AKAP9: variants seen among roughly 807,000 people sequenced by gnomAD.
AKAP9 encodes the protein A-kinase anchoring protein 9, also known as A-kinase anchor protein 9.
In AKAP9, 311 loss-of-function variants were observed where a neutral mutation model predicts 488.5. The observed-to-expected ratio is 0.64, with a 90% CI of 0.58 to 0.70. AKAP9 has a LOEUF of 0.70. Ranked by LOEUF, AKAP9 falls within the 30% of genes least tolerant of loss-of-function variation. AKAP9 has a pLI of 0.00. For synonymous variants in AKAP9, 1,462 were observed against 1,483.5 expected (o/e 0.99, Z 0.33); for missense variants, 4,215 against 4,374.5 (o/e 0.96, Z 1.03).
Position 92,097,606 on chromosome 7 carries a change from C to T in AKAP9, c.10419C>T (p.Thr3473=), listed in dbSNP as rs776467620. The part of the protein sequence containing the change: ...NLNEPTTWSL[T]SDRTRNWVLQ... ...GCCAGCCAACCACGTGGAGCTTAAC[C>T]AGTGATAGAACTAGAAATTGGGTTC... is the stretch of plus-strand genomic sequence containing the variant. The change falls in exon 42 of 50, where the codon ACC becomes ACT. Residue 3473 remains threonine, a synonymous_variant. Transcript: ENST00000356239. 9.3e-6 allele frequency: 15 copies of T among 1,613,412 alleles called. No individual in the cohort carries two copies. Among genetic ancestry groups the T allele is most frequent in the African/African-American group, 2.7e-5 (2 of 74,910 alleles).
intron 1 of AKAP9, among the ~76,000 whole-genome samples, chr7:91,958,402 T>C (rs1196790347): frequency 6.6e-6 from 1 of 152,190 alleles, no homozygotes; most frequent in Admixed American, 6.5e-5. Context: ...TTATTTTTAA[T>C]GGGATTAAAC....
intron 8 of AKAP9, among the ~76,000 whole-genome samples, chr7:92,006,160 CTT>C (rs947453818): frequency 6.8e-6 from 1 of 147,782 alleles, no homozygotes; most frequent in Admixed American, 6.8e-5. Context: ...TTTTCTTTTT[CTT>C]TTTTTTTTGA....
At position 91,940,934 on chromosome 7, in the gene AKAP9, G is replaced by T; in HGVS notation, c.-166G>T. On this transcript the variant is annotated 5_prime_UTR_variant, in exon 1 of 50. Transcript: ENST00000356239. ...CTTCCCGTGCGGCTGAGGACGATCCGCCAGTGAGCGCGGAGACTGCTTCCA... is the reference window on the plus strand; with the variant it reads ...CTTCCCGTGCGGCTGAGGACGATCCTCCAGTGAGCGCGGAGACTGCTTCCA... The T allele has an allele frequency of 2.7e-6, 2 of 748,214 alleles. No homozygotes were observed. The highest frequency in any genetic ancestry group is 1.6e-5 in the South Asian group (1 of 64,440). The allele number at this position is 748,214 out of a possible 1,614,324, so 46.3% of individuals were successfully genotyped here.
In AKAP9 at chr7:92,022,362, G is replaced by T; in HGVS notation, c.3952+10G>T. ...AATTTGGAAGACATTGGTAAATTTT[G>T]ATCATATACCACAATGTGGTGTTTT... On this transcript the variant is annotated intron_variant, in intron 13 of 49. Transcript: ENST00000356239. The T allele has an allele frequency of 6.5e-7, 1 of 1,537,290 alleles. No homozygotes were observed. Among genetic ancestry groups the T allele is most frequent in the South Asian group, 1.1e-5 (1 of 89,386 alleles).
At chr7:92,022,763 C>A in intron 13 of AKAP9, 51 bp from the exon 14 acceptor site, 1 of 1,229,104 alleles carries the variant, frequency 8.1e-7, no homozygotes, top group Non-Finnish European at 1.2e-6. Context: ...TGCTATTTCA[C>A]TAAGAAACTT....
chr7:91,969,625 G>A (rs377765187), intron 1 of AKAP9, among the ~76,000 whole-genome samples: 1 of 152,034 alleles, frequency 6.6e-6, no homozygotes, highest in Non-Finnish European at 1.5e-5. Context: ...AGTTATATCC[G>A]CTTGCTAAAT....
At chr7:92,069,936 A>G (rs560881921) in intron 26 of AKAP9, 94 bp from the exon 27 acceptor site, 8 of 1,126,576 alleles carry the variant, frequency 7.1e-6, no homozygotes, top group Non-Finnish European at 1.0e-5. Context: ...AGCATTTTGG[A>G]TTGTAGATAT....
intron 1 of AKAP9, among the ~76,000 whole-genome samples, chr7:91,961,737 G>C (rs1016724088): frequency 2.6e-5 from 4 of 151,716 alleles, no homozygotes; most frequent in Non-Finnish European, 5.9e-5. Flanking sequence ...CCAGCTACTC[G>C]GGAGGCTGAG....
chr7:91,957,114 AT>A (rs2130494640), intron 1 of AKAP9, among the ~76,000 whole-genome samples: 1 of 152,306 alleles, frequency 6.6e-6, no homozygotes, highest in South Asian at 2.1e-4. Flanking sequence ...AATTAAAAAA[AT>A]ATGTAGTCTC....
rs564064961 is a variant in AKAP9, at chr7:92,002,645, G to C, written c.2728G>C (p.Val910Leu). ...TTTGCAAAGAATAAATCCAACTACA[G>C]TGAAAATGAAAAGTTCTGTCTTTGA... ...LHLQRINPTT[V>L]KMKSSVFDED... Residue 910 changes from valine (V) to leucine (L), a missense_variant, in exon 8 of 50, where the codon GTG becomes CTG. Val to Leu is a conservative substitution (Grantham distance 32). Coordinates refer to ENST00000356239, the MANE Select transcript of AKAP9 (RefSeq NM_005751.5). 246 of 1,613,130 alleles carry C rather than the reference G, an allele frequency of 1.5e-4. 6 individuals are homozygous for C. The South Asian group carries it at 2.6e-3, about 17-fold the overall frequency.
At chr7:92,045,330 T>C (rs1229353705) in intron 21 of AKAP9, 117 bp downstream of exon 21, 3 of 976,188 alleles carry the variant, frequency 3.1e-6, no homozygotes, top group Non-Finnish European at 4.8e-6. Flanking sequence ...CAAATGGACC[T>C]TCAAACAGAA....
At chr7:92,011,271 A>T (rs1800710420) in intron 8 of AKAP9, among the ~76,000 whole-genome samples, 1 of 152,228 alleles carries the variant, frequency 6.6e-6, no homozygotes, top group Non-Finnish European at 1.5e-5. Context: ...CAAGAATAAG[A>T]AATGAGATAA....
intron 48 of AKAP9, chr7:92,107,831 A>G: frequency 5.8e-6 from 1 of 172,752 alleles, no homozygotes; most frequent in Non-Finnish European, 1.2e-5. Context: ...GGCCTGGGCA[A>G]CGGAGCGAGA....
At chr7:92,105,148 T>C (rs116573240) in intron 46 of AKAP9, among the ~76,000 whole-genome samples, 1,601 of 152,240 alleles carry the variant, frequency 0.011, 25 homozygotes, top group African/African-American at 0.037. Context: ...GGGAAGAAGG[T>C]CGTAACTTGC....
intron 12 of AKAP9, among the ~76,000 whole-genome samples, chr7:92,017,857 T>C (rs2130718412): frequency 6.6e-6 from 1 of 152,330 alleles, no homozygotes; most frequent in South Asian, 2.1e-4. Context: ...TACAACCTTA[T>C]CTAGCCTTTC....
At chr7:92,010,383 G>A (rs766869799) in intron 8 of AKAP9, among the ~76,000 whole-genome samples, 2 of 152,234 alleles carry the variant, frequency 1.3e-5, no homozygotes, top group Non-Finnish European at 2.9e-5. Flanking sequence ...ACCCACAAGT[G>A]TGTTGACTCA....
At chr7:91,976,733 A>G (rs1251372470) in intron 2 of AKAP9, among the ~76,000 whole-genome samples, 1 of 136,574 alleles carries the variant, frequency 7.3e-6, no homozygotes, top group Non-Finnish European at 1.6e-5. Context: ...ATCTATCTTG[A>G]AGTTTGCTGA....
At chr7:92,044,041 A>G (rs865927120) in intron 20 of AKAP9, among the ~76,000 whole-genome samples, 1 of 152,224 alleles carries the variant, frequency 6.6e-6, no homozygotes. Flanking sequence ...CTTTCTTTGC[A>G]TGGTAGAATG....
rs537473808 is a variant in AKAP9 at position 92,058,765 on chromosome 7, A to T, written c.5602-2495A>T. 5.7e-4 allele frequency among the ~76,000 whole-genome samples: 87 copies of T among 152,176 alleles called. 1 individual carries two copies. The highest frequency in any genetic ancestry group is 2.0e-3 in the African/African-American group (83 of 41,570). On this transcript the variant is annotated intron_variant, in intron 22 of 49. Coordinates refer to ENST00000356239, the MANE Select transcript of AKAP9 (RefSeq NM_005751.5). ...TATTATGATACTTATAAGACAGCTA[A>T]GTGAATTGTCATTGAGCAATTAGGA...
Sources: gnomAD v4.1 joint callset for allele counts (sites outside exome capture counted in the v4.1 genomes callset) on GRCh38, gnomAD v4.1.1 for gene constraint, MANE v1.5 for transcripts, NCBI Gene and HGNC (gene_info 2026-07-23, HGNC 2026-07-21) for gene names.